The following ANKRD30B variants were observed in gnomAD, a reference collection of about 807,000 sequenced individuals.
ANKRD30B encodes ankyrin repeat domain-containing protein 30B.
A neutral mutation model predicts 202.2 loss-of-function variants in ANKRD30B; 144 were observed. The ratio of observed to expected loss-of-function variants is 0.71; its 90% confidence interval spans 0.62 to 0.82. The LOEUF (loss-of-function observed/expected upper bound fraction) is 0.82. ANKRD30B is among the 40% of genes least tolerant of loss of function. The pLI, the probability that ANKRD30B is intolerant of heterozygous loss-of-function variation, is 0.00. For missense variants in ANKRD30B, 1,487 were observed against 1,669.1 expected, an observed-to-expected ratio of 0.89 and a Z score of 1.90; for synonymous variants, 508 against 561.3, an observed-to-expected ratio of 0.91 and a Z score of 1.34.
intron 7 of ANKRD30B, among the ~76,000 whole-genome samples, chr18:14,768,702 G>A (rs1417106249): frequency 1.3e-5 from 2 of 152,154 alleles, no homozygotes; most frequent in Admixed American, 6.5e-5. Flanking sequence ...TGTTGTGTGT[G>A]TTTCTTTCTA....
the ANKRD30B span, among the ~76,000 whole-genome samples, chr18:14,902,415 C>T: frequency 6.6e-6 from 1 of 152,090 alleles, no homozygotes; most frequent in Non-Finnish European, 1.5e-5. Flanking sequence ...GCCCGGCTTC[C>T]AATCTTAAGA....
chr18:14,935,439 A>G, the ANKRD30B span, among the ~76,000 whole-genome samples: 1 of 152,146 alleles, frequency 6.6e-6, no homozygotes, highest in African/African-American at 2.4e-5. Flanking sequence ...TCAGGTAAAA[A>G]TCATGTGCAT....
chr18:14,935,173 G>A, the ANKRD30B span, among the ~76,000 whole-genome samples: 2 of 152,166 alleles, frequency 1.3e-5, no homozygotes, highest in African/African-American at 2.4e-5. Flanking sequence ...TCATAGCCTG[G>A]GAGGGGTACC....
chr18:14,934,108 A>G, the ANKRD30B span, among the ~76,000 whole-genome samples: 1 of 152,310 alleles, frequency 6.6e-6, no homozygotes, highest in East Asian at 1.9e-4. Context: ...GGGTCCACCC[A>G]CAGCCTCACT....
chr18:14,784,673 TG>T (rs1459645719), intron 14 of ANKRD30B, 138 bp downstream of exon 14: 2 of 984,818 alleles, frequency 2.0e-6, no homozygotes, highest in Non-Finnish European at 2.8e-6. Context: ...CTGGTATTTA[TG>T]TTTGAAAACC....
chr18:14,863,397 T>C, the ANKRD30B span, among the ~76,000 whole-genome samples: 2 of 152,124 alleles, frequency 1.3e-5, no homozygotes, highest in Non-Finnish European at 2.9e-5. Context: ...GTGTTCCCCT[T>C]CTTGCTATTC....
At chr18:14,854,832 AACACACACACACACAC>A (rs56259305), downstream of ANKRD30B, among the ~76,000 whole-genome samples, 450 of 134,182 alleles carry the variant, frequency 3.4e-3, 4 homozygotes, top group African/African-American at 0.01. Context: ...ACTATCCACG[AACACACACACACACAC>A]ACACACACAC....
intron 14 of ANKRD30B, among the ~76,000 whole-genome samples, chr18:14,786,061 A>C (rs1470165341): frequency 1.3e-5 from 2 of 151,572 alleles, no homozygotes; most frequent in Non-Finnish European, 3.0e-5. Context: ...AAAAAAAAAA[A>C]AAAAAAAAAA....
chr18:14,926,345 G>A, the ANKRD30B span, among the ~76,000 whole-genome samples: 3 of 152,230 alleles, frequency 2.0e-5, no homozygotes, highest in Non-Finnish European at 4.4e-5. Flanking sequence ...GCCAGAAGCA[G>A]GTCATCTCCT....
intron 34 of ANKRD30B, among the ~76,000 whole-genome samples, chr18:14,834,584 A>G (rs1340624738): frequency 1.3e-5 from 2 of 152,012 alleles, no homozygotes; most frequent in Non-Finnish European, 2.9e-5. Flanking sequence ...TGAGTGACTT[A>G]TAGCTGATTT....
the ANKRD30B span, among the ~76,000 whole-genome samples, chr18:14,934,398 C>G: frequency 6.6e-6 from 1 of 152,330 alleles, no homozygotes; most frequent in East Asian, 1.9e-4. Context: ...ACACTTGCTA[C>G]CCGGCAGTGA....
the ANKRD30B span, among the ~76,000 whole-genome samples, chr18:14,888,495 T>C: frequency 6.6e-6 from 1 of 152,192 alleles, no homozygotes; most frequent in South Asian, 2.1e-4. Flanking sequence ...AGTTACTAAA[T>C]CTGATTTTTG....
intron 30 of ANKRD30B, chr18:14,816,149 T>C (rs1185858593): frequency 6.6e-6 from 1 of 152,230 alleles, no homozygotes; most frequent in East Asian, 1.9e-4. Context: ...TATAGCATTC[T>C]ACGTTCAGCT....
At chr18:14,923,089 C>T in the ANKRD30B span, among the ~76,000 whole-genome samples, 1 of 152,086 alleles carries the variant, frequency 6.6e-6, no homozygotes, top group Non-Finnish European at 1.5e-5. Context: ...GTCCACAGGC[C>T]CTGAAGAACC....
intron 39 of ANKRD30B, among the ~76,000 whole-genome samples, chr18:14,846,068 A>AT (rs56892007): frequency 2.2e-4 from 32 of 147,032 alleles, no homozygotes; most frequent in Admixed American, 4.8e-4. Flanking sequence ...TTACTTTCTT[A>AT]TTTTTTTTTT....
rs547529678 is a variant in ANKRD30B, at chr18:14,844,067, ATTCT to A, written c.3181+974_3181+977del. On this transcript the variant is annotated intron_variant, in intron 39 of 43. Transcript: ENST00000690538. Reference sequence around the variant, plus strand: ...TGTACATTGTGTAATTTTCTGTAACATTCTTTGTTTGATCAGCATTATATTGTTA... The same window carrying A: ...TGTACATTGTGTAATTTTCTGTAACATTGTTTGATCAGCATTATATTGTTA... Among the ~76,000 whole-genome samples the A allele has an allele frequency of 4.2e-4, 64 of 152,300 alleles. 1 individual carries two copies. Among genetic ancestry groups the A allele is most frequent in the African/African-American group, 1.1e-3 (46 of 41,574 alleles).
intron 40 of ANKRD30B, 58 bp from the exon 41 acceptor site, chr18:14,850,156 C>T: frequency 8.7e-7 from 1 of 1,154,076 alleles, no homozygotes; most frequent in Non-Finnish European, 1.2e-6. Flanking sequence ...AAGTAGATCT[C>T]AAAGTGAATT....
At chr18:14,760,079 C>T (rs1915016077) in intron 5 of ANKRD30B, among the ~76,000 whole-genome samples, 1 of 152,134 alleles carries the variant, frequency 6.6e-6, no homozygotes, top group South Asian at 2.1e-4. Flanking sequence ...AAAATAGTTT[C>T]AGCAATAAGA....
chr18:14,753,065 T>G, intron 3 of ANKRD30B, 53 bp downstream of exon 3: 3 of 1,401,944 alleles, frequency 2.1e-6, no homozygotes, highest in Non-Finnish European at 2.9e-6. Flanking sequence ...TTTGTTTTAA[T>G]GTTAACATAT....
Sources: allele counts gnomAD v4.1 joint callset (sites outside exome capture counted in the v4.1 genomes callset), GRCh38; gene constraint gnomAD v4.1.1; transcripts MANE v1.5; gene names NCBI Gene and HGNC (gene_info 2026-07-23, HGNC 2026-07-21).